The following CCDC91 variants were observed in gnomAD, a reference collection of about 807,000 sequenced individuals.
CCDC91 encodes coiled-coil domain containing 91.
CCDC91 carries 48 observed loss-of-function variants against 63.2 expected under a neutral mutation model. That is an observed-to-expected ratio of 0.76 (90% CI 0.60 to 0.97). The LOEUF is 0.97. CCDC91 is among the 50% of genes least tolerant of loss of function. CCDC91 has a pLI of 0.00. For missense variants in CCDC91, 500 were observed against 494.6 expected, an observed-to-expected ratio of 1.01 and a Z score of -0.10; for synonymous variants, 167 against 165.8, an observed-to-expected ratio of 1.01 and a Z score of -0.06.
chr12:28,491,732 C>T (rs1226354170), intron 12 of CCDC91, among the ~76,000 whole-genome samples: 1 of 151,536 alleles, frequency 6.6e-6, no homozygotes, highest in African/African-American at 2.4e-5. Context: ...TCTTGATATA[C>T]CTTTTGGATG....
chr12:28,470,100 A>G (rs1219345705), intron 11 of CCDC91, among the ~76,000 whole-genome samples: 3 of 152,178 alleles, frequency 2.0e-5, no homozygotes, highest in Admixed American at 2.0e-4. Flanking sequence ...CATCAAGTTA[A>G]AAAGCTTCTG....
chr12:28,191,975 A>G (rs1591921587), intron 1 of CCDC91, among the ~76,000 whole-genome samples: 1 of 152,208 alleles, frequency 6.6e-6, no homozygotes. Context: ...TATAAGCCCA[A>G]TGGAATAAAC....
At chr12:28,531,995 A>T (rs575294719) in intron 12 of CCDC91, among the ~76,000 whole-genome samples, 42 of 152,196 alleles carry the variant, frequency 2.8e-4, no homozygotes, top group African/African-American at 9.6e-4. Flanking sequence ...AGTGAGTGAG[A>T]TCAGGCCTCA....
chr12:28,508,716 C>T (rs969562478), intron 12 of CCDC91, among the ~76,000 whole-genome samples: 13 of 151,806 alleles, frequency 8.6e-5, no homozygotes, highest in Non-Finnish European at 1.8e-4. Context: ...AAGCATTCCC[C>T]CTCCAAGAGT....
chr12:28,450,233 C>T lies in CCDC91; in HGVS notation c.835C>T (p.Gln279Ter). The T allele has an allele frequency of 6.2e-7, 1 of 1,608,390 alleles. No individual in the cohort carries two copies. The highest frequency in any genetic ancestry group is 1.1e-5 in the South Asian group (1 of 90,652). Residue 279 changes from glutamine to a stop codon, truncating the protein, a stop_gained, in exon 9 of 13, where the codon CAG becomes TAG. Coordinates refer to ENST00000536442, the MANE Select transcript of CCDC91 (RefSeq NM_018318.5). LOFTEE classifies it high-confidence loss of function. ...AGAAAAAATAAAGGAAGCTTTGATTCAGCAATCTCAAGAACAGAAGGTAAT... is the reference window on the plus strand; with the variant it reads ...AGAAAAAATAAAGGAAGCTTTGATTTAGCAATCTCAAGAACAGAAGGTAAT... ...LKEKIKEALI[Q>*]QSQEQKEILE...
intron 12 of CCDC91, among the ~76,000 whole-genome samples, chr12:28,524,940 A>G (rs1422090472): frequency 1.3e-5 from 2 of 152,160 alleles, no homozygotes; most frequent in Non-Finnish European, 1.5e-5. Context: ...GTCAGTTGTA[A>G]TATCTCCCAT....
At position 28,275,762 on chromosome 12, in the gene CCDC91, G is replaced by T. The variant is rs537213506; in HGVS notation, c.109+16320G>T. ...ACCAAATCCAGCAGCACATCAAAAA[G>T]CTTATCCACCATGATCAAGTGGGCT... On this transcript the variant is annotated intron_variant, in intron 3 of 12. Coordinates refer to ENST00000536442, the MANE Select transcript of CCDC91 (RefSeq NM_018318.5). Among the ~76,000 whole-genome samples, 16 of 152,162 alleles carry T rather than the reference G, an allele frequency of 1.1e-4. 1 individual carries two copies. In the South Asian group the frequency reaches 3.1e-3, roughly 30 times the overall value.
At chr12:28,214,362 A>T (rs1943428672) in intron 1 of CCDC91, among the ~76,000 whole-genome samples, 1 of 152,010 alleles carries the variant, frequency 6.6e-6, no homozygotes. Context: ...AAACTGACCA[A>T]CCCAACCCAA....
At chr12:28,254,698 A>T (rs564092658) in intron 1 of CCDC91, among the ~76,000 whole-genome samples, 26 of 152,054 alleles carry the variant, frequency 1.7e-4, no homozygotes, top group Non-Finnish European at 3.4e-4. Context: ...TTATATGTTA[A>T]GTAACTTGGG....
At chr12:28,484,023 C>T (rs1337528990) in intron 11 of CCDC91, 29 bp from the exon 12 acceptor site, 2 of 1,400,166 alleles carry the variant, frequency 1.4e-6, no homozygotes, top group Non-Finnish European at 2.0e-6. Context: ...GCTCACCTCC[C>T]TGACTGTTTT....
chr12:28,382,846 G>A (rs1286327388), intron 7 of CCDC91, among the ~76,000 whole-genome samples: 1 of 151,972 alleles, frequency 6.6e-6, no homozygotes, highest in African/African-American at 2.4e-5. Flanking sequence ...TTATGAAGAG[G>A]TTATTTTGGT....
chr12:28,271,919 A>T (rs1186092766), intron 3 of CCDC91, among the ~76,000 whole-genome samples: 2 of 149,080 alleles, frequency 1.3e-5, no homozygotes, highest in Admixed American at 1.3e-4. Context: ...ATAAATATAG[A>T]TATTATATAT....
chr12:28,478,921 T>C (rs1566038216), intron 11 of CCDC91, among the ~76,000 whole-genome samples: 1 of 152,158 alleles, frequency 6.6e-6, no homozygotes, highest in Non-Finnish European at 1.5e-5. Context: ...AGATACCATC[T>C]CACACCATTT....
At chr12:28,208,084 C>T (rs534121819) in intron 1 of CCDC91, among the ~76,000 whole-genome samples, 3 of 152,268 alleles carry the variant, frequency 2.0e-5, no homozygotes, top group South Asian at 2.1e-4. Context: ...TCCAGGAATT[C>T]TTACCCAGTT....
chr12:28,348,070 C>T (rs1250282349), intron 6 of CCDC91, among the ~76,000 whole-genome samples: 1 of 152,236 alleles, frequency 6.6e-6, no homozygotes, highest in Non-Finnish European at 1.5e-5. Context: ...GGCCATCTCT[C>T]TGTCCATTGT....
At chr12:28,488,617 CA>C (rs1951843981) in intron 12 of CCDC91, among the ~76,000 whole-genome samples, 1 of 151,730 alleles carries the variant, frequency 6.6e-6, no homozygotes, top group South Asian at 2.1e-4. Context: ...ACTGTGGAAT[CA>C]AAAAGGTAAT....
At chr12:28,325,498 T>G (rs557421320) in intron 6 of CCDC91, among the ~76,000 whole-genome samples, 2 of 151,886 alleles carry the variant, frequency 1.3e-5, no homozygotes, top group Non-Finnish European at 1.5e-5. Context: ...AACATAAAAA[T>G]AAGTTAATTA....
At chr12:28,211,677 C>T (rs1193379442) in intron 1 of CCDC91, among the ~76,000 whole-genome samples, 1 of 151,960 alleles carries the variant, frequency 6.6e-6, no homozygotes, top group African/African-American at 2.4e-5. Context: ...CTGGAAGGAA[C>T]TCAGTTTTCT....
In CCDC91 at chr12:28,267,849, ATAGTAATAT is replaced by A. The variant is rs1565700327; in HGVS notation, c.109+8408_109+8416del. Reference sequence around the variant, plus strand: ...TTAATATATAATTATATATAATTATATAGTAATATATAATTATATATAATTATATATAAT... The same window carrying A: ...TTAATATATAATTATATATAATTATAATAATTATATATAATTATATATAAT... On this transcript the variant is annotated intron_variant, in intron 3 of 12. Coordinates refer to ENST00000536442, the MANE Select transcript of CCDC91 (RefSeq NM_018318.5). 1.4e-3 allele frequency among the ~76,000 whole-genome samples: 34 copies of A among 24,046 alleles called. 2 individuals carry two copies. The highest frequency in any genetic ancestry group is 4.0e-3 in the African/African-American group (30 of 7,480). 15.8% of individuals were successfully genotyped at this position (24,046 alleles called of 152,430 possible). A position where few individuals can be genotyped will look rare whatever the true frequency, so the allele number is the denominator to read the frequency against.
Sources: allele counts gnomAD v4.1 joint callset (sites outside exome capture counted in the v4.1 genomes callset), GRCh38; gene constraint gnomAD v4.1.1; transcripts MANE v1.5; gene names NCBI Gene and HGNC (gene_info 2026-07-23, HGNC 2026-07-21).